Variants in CSMD1 observed in about 807,000 individuals in gnomAD.
CSMD1 encodes the protein CUB and sushi domain-containing protein 1.
Under a neutral mutation model 417.5 loss-of-function variants are expected in CSMD1, and 213 were observed. The observed-to-expected ratio is 0.51, with a 90% CI of 0.46 to 0.57. CSMD1 has a LOEUF of 0.57. Ranked by LOEUF, CSMD1 falls within the 20% of genes least tolerant of loss-of-function variation. CSMD1 has a pLI of 0.00. For synonymous variants in CSMD1, 2,862 were observed against 1,736.8 expected, an observed-to-expected ratio of 1.65 and a Z score of -16.11; for missense variants, 6,923 against 4,529.7, an observed-to-expected ratio of 1.53 and a Z score of -15.17.
chr8:3,458,451 T>G (rs1199785078), intron 12 of CSMD1, among the ~76,000 whole-genome samples: 1 of 152,206 alleles, frequency 6.6e-6, no homozygotes, highest in African/African-American at 2.4e-5. Flanking sequence ...AAGACTGTCC[T>G]GAATGTCAGC....
intron 2 of CSMD1, among the ~76,000 whole-genome samples, chr8:4,620,610 G>T (rs1414719569): frequency 6.6e-6 from 1 of 151,798 alleles, no homozygotes; most frequent in East Asian, 1.9e-4. Flanking sequence ...AAATAAGACT[G>T]CTTGAAAAGC....
At chr8:4,685,003 G>C (rs1161892990) in intron 1 of CSMD1, among the ~76,000 whole-genome samples, 2 of 152,078 alleles carry the variant, frequency 1.3e-5, no homozygotes, top group Admixed American at 1.3e-4. Flanking sequence ...CACTAACATA[G>C]AACAACGGGA....
At chr8:3,977,738 T>C (rs1046351994) in intron 5 of CSMD1, among the ~76,000 whole-genome samples, 5 of 152,230 alleles carry the variant, frequency 3.3e-5, no homozygotes, top group Non-Finnish European at 7.3e-5. Flanking sequence ...TTAATTTTGG[T>C]CTTCACAATT....
At chr8:4,383,928 G>T (rs980751508) in intron 3 of CSMD1, among the ~76,000 whole-genome samples, 1 of 152,142 alleles carries the variant, frequency 6.6e-6, no homozygotes, top group Non-Finnish European at 1.5e-5. Flanking sequence ...ATGATACCGT[G>T]AAGAAAAATG....
chr8:3,845,226 G>C (rs961946336), intron 5 of CSMD1, among the ~76,000 whole-genome samples: 1 of 152,208 alleles, frequency 6.6e-6, no homozygotes. Flanking sequence ...TAACAATGGA[G>C]ATACATTTTG....
intron 7 of CSMD1, among the ~76,000 whole-genome samples, chr8:3,646,153 A>T (rs1797559314): frequency 6.6e-6 from 1 of 152,148 alleles, no homozygotes; most frequent in African/African-American, 2.4e-5. Flanking sequence ...AAAAATTCAC[A>T]ATATATAAAA....
At chr8:3,169,516 A>G (rs971366717) in intron 37 of CSMD1, among the ~76,000 whole-genome samples, 11 of 152,186 alleles carry the variant, frequency 7.2e-5, no homozygotes, top group Admixed American at 5.9e-4. Context: ...TAGGGCTAGG[A>G]GTAGCAAACA....
chr8:3,263,289 G>C (rs1054060361), intron 26 of CSMD1, among the ~76,000 whole-genome samples: 1 of 152,066 alleles, frequency 6.6e-6, no homozygotes, highest in Non-Finnish European at 1.5e-5. Flanking sequence ...AGATAAAATG[G>C]GGTTTCACCA....
intron 1 of CSMD1, among the ~76,000 whole-genome samples, chr8:4,835,147 C>A (rs745484126): frequency 2.0e-5 from 3 of 151,758 alleles, no homozygotes; most frequent in Non-Finnish European, 4.4e-5. Flanking sequence ...ACCCAGTGAG[C>A]AAGATGGACC....
intron 12 of CSMD1, among the ~76,000 whole-genome samples, chr8:3,432,508 C>CTTTTTT (rs769207768): frequency 1.1e-4 from 12 of 105,314 alleles, no homozygotes; most frequent in Admixed American, 2.3e-4. Context: ...TCAATATGGG[C>CTTTTTT]TTTTTTTTTT....
At chr8:2,984,277 C>A (rs1001571322) in intron 54 of CSMD1, among the ~76,000 whole-genome samples, 2 of 152,158 alleles carry the variant, frequency 1.3e-5, no homozygotes, top group Non-Finnish European at 2.9e-5. Flanking sequence ...AGCAAACGCA[C>A]AGGAGGGAGA....
At chr8:3,021,431 A>T (rs1809377707) in intron 51 of CSMD1, among the ~76,000 whole-genome samples, 1 of 152,240 alleles carries the variant, frequency 6.6e-6, no homozygotes, top group Non-Finnish European at 1.5e-5. Context: ...ACTACTAAAA[A>T]TAGGCTTTGT....
At chr8:4,156,175 G>A (rs1048719371) in intron 3 of CSMD1, among the ~76,000 whole-genome samples, 11 of 152,174 alleles carry the variant, frequency 7.2e-5, no homozygotes, top group Admixed American at 7.2e-4. Flanking sequence ...TGTGAGGGGT[G>A]TGGGAACAAG....
intron 7 of CSMD1, among the ~76,000 whole-genome samples, chr8:3,621,903 A>C (rs1272637778): frequency 6.6e-6 from 1 of 151,872 alleles, no homozygotes; most frequent in Admixed American, 6.6e-5. Flanking sequence ...ATCGTGTCCA[A>C]CCAGAAGTGT....
At chr8:4,227,977 G>T (rs1356170374) in intron 3 of CSMD1, among the ~76,000 whole-genome samples, 1 of 85,512 alleles carries the variant, frequency 1.2e-5, no homozygotes, top group African/African-American at 4.6e-5. Context: ...CAGGAGACAC[G>T]CCCTCCATCC....
At chr8:3,529,421 GAGGAATTCAGC>G (rs768306787) in intron 10 of CSMD1, among the ~76,000 whole-genome samples, 39 of 152,184 alleles carry the variant, frequency 2.6e-4, no homozygotes, top group Non-Finnish European at 4.0e-4. Flanking sequence ...GTTGATACAT[GAGGAATTCAGC>G]AGGAATTTTT....
Position 4,073,693 on chromosome 8 carries a change from A to C in CSMD1, c.416-41594T>G, listed in dbSNP as rs560277349. Among the ~76,000 whole-genome samples, 8 of 152,230 alleles carry C rather than the reference A, an allele frequency of 5.3e-5. No individual in the cohort carries two copies. The East Asian group carries it at 1.3e-3, about 26-fold the overall frequency. ...GTTATATTTAGATTATTTCTAAGTA[A>C]CTCACCAACATGCAAATATTGACTT... On this transcript the variant is annotated intron_variant, in intron 3 of 69. Coordinates refer to ENST00000635120, the MANE Select transcript of CSMD1 (RefSeq NM_033225.6).
intron 5 of CSMD1, among the ~76,000 whole-genome samples, chr8:3,897,135 G>C (rs796192670): frequency 2.0e-5 from 3 of 152,186 alleles, no homozygotes; most frequent in Non-Finnish European, 2.9e-5. Flanking sequence ...CAGAGACCCA[G>C]TGTTTTTAAA....
At chr8:4,329,847 C>G (rs920219522) in intron 3 of CSMD1, among the ~76,000 whole-genome samples, 15 of 60,424 alleles carry the variant, frequency 2.5e-4, no homozygotes, top group Admixed American at 2.3e-3. Flanking sequence ...CACCACCCTG[C>G]TTACACACAC....
Sources: allele counts gnomAD v4.1 joint callset (sites outside exome capture counted in the v4.1 genomes callset), GRCh38; gene constraint gnomAD v4.1.1; transcripts MANE v1.5; gene names NCBI Gene and HGNC (gene_info 2026-07-23, HGNC 2026-07-21).